Variants in ASXL3 observed in about 807,000 individuals in gnomAD.
The protein encoded by ASXL3 is ASXL transcriptional regulator 3.
A neutral mutation model predicts 170.6 loss-of-function variants in ASXL3; 34 were observed. That is an observed-to-expected ratio of 0.20 (90% CI 0.15 to 0.27). The LOEUF is 0.27. Among genes scored for constraint, ASXL3 ranks in the 10% least tolerant of loss-of-function variants. ASXL3 has a pLI of 1.00. For synonymous variants in ASXL3, 1,002 were observed against 989.1 expected (o/e 1.01, Z -0.24); for missense variants, 2,592 against 2,695.3 (o/e 0.96, Z 0.85).
intron 8 of ASXL3, among the ~76,000 whole-genome samples, chr18:33,697,652 A>G (rs1437378835): frequency 6.6e-6 from 1 of 152,006 alleles, no homozygotes; most frequent in African/African-American, 2.4e-5. Flanking sequence ...TGTTACCTCT[A>G]TACATTTCAG....
At chr18:33,721,618 C>T (rs1212615355) in intron 8 of ASXL3, among the ~76,000 whole-genome samples, 1 of 152,014 alleles carries the variant, frequency 6.6e-6, no homozygotes, top group Non-Finnish European at 1.5e-5. Context: ...GACAAAAAGC[C>T]TTCCACATTT....
At chr18:33,688,609 T>C (rs1448841382) in intron 8 of ASXL3, among the ~76,000 whole-genome samples, 2 of 151,780 alleles carry the variant, frequency 1.3e-5, no homozygotes, top group African/African-American at 4.9e-5. Context: ...AGACAGAAAA[T>C]AGATAGAAAA....
At chr18:33,698,915 G>T (rs2145320647) in intron 8 of ASXL3, among the ~76,000 whole-genome samples, 1 of 152,246 alleles carries the variant, frequency 6.6e-6, no homozygotes, top group East Asian at 1.9e-4. Flanking sequence ...GAGTTCCAGG[G>T]TGACTGTGCT....
chr18:33,716,289 A>G (rs112193062), intron 8 of ASXL3, among the ~76,000 whole-genome samples: 1 of 152,184 alleles, frequency 6.6e-6, no homozygotes, highest in Non-Finnish European at 1.5e-5. Flanking sequence ...CTGAGCTTTC[A>G]TGTGTTTGGG....
At chr18:33,674,738 C>A (rs1192726122) in intron 7 of ASXL3, among the ~76,000 whole-genome samples, 3 of 151,748 alleles carry the variant, frequency 2.0e-5, no homozygotes, top group Non-Finnish European at 4.4e-5. Flanking sequence ...GCTGCCTCAA[C>A]CCCCCGAGTA....
At chr18:33,670,604 A>T in intron 5 of ASXL3, 69 bp from the exon 6 acceptor site, 1 of 1,171,674 alleles carries the variant, frequency 8.5e-7, no homozygotes, top group Non-Finnish European at 1.2e-6. Context: ...CAAATGAGTC[A>T]CTTAATTCAA....
At chr18:33,689,024 T>C (rs1350712949) in intron 8 of ASXL3, among the ~76,000 whole-genome samples, 2 of 152,050 alleles carry the variant, frequency 1.3e-5, no homozygotes, top group East Asian at 3.9e-4. Flanking sequence ...GATGGAGTCT[T>C]ACCCTTTCAC....
chr18:33,730,503 A>AAT (rs1263565501), intron 8 of ASXL3, among the ~76,000 whole-genome samples: 1 of 152,180 alleles, frequency 6.6e-6, no homozygotes, highest in Admixed American at 6.6e-5. Context: ...TTGAGTGCAT[A>AAT]AACCACACTG....
chr18:33,683,435 T>C lies in ASXL3; in HGVS notation c.746T>C (p.Ile249Thr), dbSNP rs2066545355. Residue 249 changes from isoleucine (I) to threonine (T), a missense_variant, in exon 8 of 12, where the codon ATT becomes ACT. Ile to Thr is a moderately conservative substitution (Grantham distance 89). Coordinates refer to ENST00000269197, the MANE Select transcript of ASXL3 (RefSeq NM_030632.3). Reference sequence around the variant, plus strand: ...TTGAAATGGACCAAAGCTGAGGACATTGACATAGAAACCCCAGGATCTATT... The same window carrying C: ...TTGAAATGGACCAAAGCTGAGGACACTGACATAGAAACCCCAGGATCTATT... Reference protein sequence around the residue: ...GHLKWTKAEDIDIETPGSILV... With the variant: ...GHLKWTKAEDTDIETPGSILV... The C allele has an allele frequency of 6.2e-7, 1 of 1,613,356 alleles. No individual in the cohort carries two copies. Among genetic ancestry groups the C allele is most frequent in the Non-Finnish European group, 8.5e-7 (1 of 1,179,630 alleles).
intron 2 of ASXL3, among the ~76,000 whole-genome samples, chr18:33,621,086 A>G (rs1195983908): frequency 6.6e-6 from 1 of 152,198 alleles, no homozygotes; most frequent in Non-Finnish European, 1.5e-5. Context: ...GATGCAAACT[A>G]AGACATGAAT....
intron 8 of ASXL3, among the ~76,000 whole-genome samples, chr18:33,725,349 C>T (rs2067332167): frequency 6.6e-6 from 1 of 152,158 alleles, no homozygotes; most frequent in East Asian, 1.9e-4. Context: ...AGCACATCCA[C>T]AATACAGATC....
intron 8 of ASXL3, among the ~76,000 whole-genome samples, chr18:33,729,765 T>C (rs538629627): frequency 6.6e-6 from 1 of 152,236 alleles, no homozygotes; most frequent in South Asian, 2.1e-4. Context: ...TTCTCACTCT[T>C]AGTCGGCACT....
At chr18:33,695,563 C>T (rs995704920) in intron 8 of ASXL3, among the ~76,000 whole-genome samples, 2 of 152,072 alleles carry the variant, frequency 1.3e-5, no homozygotes, top group Non-Finnish European at 2.9e-5. Flanking sequence ...TCCTGTTCAT[C>T]GGTATCTGCT....
At chr18:33,603,654 T>C (rs2065210122) in intron 1 of ASXL3, among the ~76,000 whole-genome samples, 1 of 152,010 alleles carries the variant, frequency 6.6e-6, no homozygotes, top group South Asian at 2.1e-4. Flanking sequence ...GTGTTTGCTT[T>C]GTGCACCAGC....
At chr18:33,606,435 G>A (rs2065249551) in intron 1 of ASXL3, among the ~76,000 whole-genome samples, 1 of 151,930 alleles carries the variant, frequency 6.6e-6, no homozygotes, top group African/African-American at 2.4e-5. Context: ...GTTAGGATGG[G>A]CAGGCTGTGT....
intron 1 of ASXL3, among the ~76,000 whole-genome samples, chr18:33,580,773 G>C (rs935246565): frequency 6.6e-6 from 1 of 152,140 alleles, no homozygotes; most frequent in Admixed American, 6.5e-5. Context: ...ACAAAAGAAC[G>C]ATAGACCAGA....
chr18:33,654,746 T>C (rs1173405451), intron 4 of ASXL3, among the ~76,000 whole-genome samples: 1 of 152,184 alleles, frequency 6.6e-6, no homozygotes, highest in East Asian at 1.9e-4. Flanking sequence ...TATAGTATTA[T>C]TACTCTCCAT....
In ASXL3 at chr18:33,578,556, T is replaced by C. The variant is rs1191988734; in HGVS notation, c.-76T>C. The C allele has an allele frequency of 2.2e-5, 21 of 935,908 alleles. No homozygotes were observed. Among genetic ancestry groups the C allele is most frequent in the Middle Eastern group, 2.6e-4 (1 of 3,900 alleles). The allele number at this position is 935,908 out of a possible 1,614,324, so 58.0% of individuals were successfully genotyped here. A position where few individuals can be genotyped will look rare whatever the true frequency, so the allele number is the denominator to read the frequency against. ...TGCGGGTCACCGGGTCACTGGGTCA[T>C]TGTCTCCGCGCCCGAACCCCGAGCA... On this transcript the variant is annotated 5_prime_UTR_variant, in exon 1 of 12. Coordinates refer to ENST00000269197, the MANE Select transcript of ASXL3 (RefSeq NM_030632.3).
rs369775948 is a variant in ASXL3, at chr18:33,738,649, G to A, written c.1245G>A (p.Glu415=). ...GCATGAAAAGCCCAGCTTCTCCAGA[G>A]CCTGGTTTCTGTGCTACTCTTTGCC... ...PKSMKSPASP[E]PGFCATLCPM... The change falls in exon 11 of 12, where the codon GAG becomes GAA. Residue 415 remains glutamate, a synonymous_variant. Transcript: ENST00000269197. The A allele has an allele frequency of 6.2e-7, 1 of 1,613,962 alleles. No homozygotes were observed. The highest frequency in any genetic ancestry group is 8.5e-7 in the Non-Finnish European group (1 of 1,179,856).
Sources: gnomAD v4.1 joint callset for allele counts (sites outside exome capture counted in the v4.1 genomes callset) on GRCh38, gnomAD v4.1.1 for gene constraint, MANE v1.5 for transcripts, NCBI Gene and HGNC (gene_info 2026-07-23, HGNC 2026-07-21) for gene names.